MACROD2: variants seen among roughly 807,000 people sequenced by gnomAD.
The protein encoded by MACROD2 is mono-ADP ribosylhydrolase 2, also known as ADP-ribose glycohydrolase MACROD2.
A neutral mutation model predicts 70.4 loss-of-function variants in MACROD2; 36 were observed. That is an observed-to-expected ratio of 0.51 (90% CI 0.39 to 0.68). MACROD2 has a LOEUF of 0.68. MACROD2 is among the 30% of genes least tolerant of loss of function. The pLI, the probability that MACROD2 is intolerant of heterozygous loss-of-function variation, is 0.00. For synonymous variants in MACROD2, 172 were observed against 178.8 expected (o/e 0.96, Z 0.30); for missense variants, 496 against 538.4 (o/e 0.92, Z 0.78).
At chr20:14,992,270 T>A (rs527446852) in intron 5 of MACROD2, among the ~76,000 whole-genome samples, 2 of 152,318 alleles carry the variant, frequency 1.3e-5, no homozygotes, top group South Asian at 4.1e-4. Context: ...TCAGAACTGA[T>A]GTTCTTGCTC....
chr20:15,100,179 C>T (rs2123191080), intron 5 of MACROD2, among the ~76,000 whole-genome samples: 2 of 152,240 alleles, frequency 1.3e-5, no homozygotes, highest in South Asian at 4.1e-4. Context: ...TCAAGCAATC[C>T]TCCTGCCTTG....
chr20:15,742,022 T>C (rs1432855841), intron 8 of MACROD2, among the ~76,000 whole-genome samples: 3 of 152,224 alleles, frequency 2.0e-5, no homozygotes, highest in Non-Finnish European at 4.4e-5. Context: ...ATGATTGTTA[T>C]AGTAATGGTC....
intron 15 of MACROD2, among the ~76,000 whole-genome samples, chr20:16,038,003 A>G (rs182584902): frequency 1.3e-5 from 2 of 151,698 alleles, no homozygotes; most frequent in South Asian, 2.1e-4. Context: ...TCTCAGTCAT[A>G]TTCTCTGAAA....
rs201821065 is a variant in MACROD2 at position 14,918,617 on chromosome 20, G to GTTTTTTTTTTT, written c.418+233663_418+233673dup. On this transcript the variant is annotated intron_variant, in intron 5 of 17. Coordinates refer to ENST00000684519, the MANE Select transcript of MACROD2 (RefSeq NM_001351661.2). Reference sequence around the variant, plus strand: ...CTTTTTGTGACACTGTGTTTTTTTTGTTTTTTTTTTTTTTTCTGGAGTTTA... The same window carrying GTTTTTTTTTTT: ...CTTTTTGTGACACTGTGTTTTTTTTGTTTTTTTTTTTTTTTTTTTTTTTTTTCTGGAGTTTA... Among the ~76,000 whole-genome samples the GTTTTTTTTTTT allele has an allele frequency of 1.6e-5, 2 of 127,780 alleles. 1 individual carries two copies. The highest frequency in any genetic ancestry group is 5.6e-5 in the African/African-American group (2 of 35,664). 83.8% of individuals were successfully genotyped at this position (127,780 alleles called of 152,430 possible).
At chr20:14,063,707 T>G (rs746485576) in intron 2 of MACROD2, among the ~76,000 whole-genome samples, 7 of 152,198 alleles carry the variant, frequency 4.6e-5, no homozygotes, top group Non-Finnish European at 1.0e-4. Context: ...ATCTGAAAAT[T>G]TTGAAATCCG....
intron 4 of MACROD2, among the ~76,000 whole-genome samples, chr20:14,528,321 G>GTTT (rs530596762): frequency 0.013 from 1,718 of 137,006 alleles, 16 homozygotes; most frequent in Non-Finnish European, 0.02. Context: ...CAGGGTTTCT[G>GTTT]TTTTTTTTTT....
chr20:15,884,506 AG>A (rs1462100569), intron 9 of MACROD2, among the ~76,000 whole-genome samples: 2 of 152,068 alleles, frequency 1.3e-5, no homozygotes, highest in African/African-American at 2.4e-5. Context: ...CATTAGGCAG[AG>A]GGCAGTCACT....
intron 8 of MACROD2, among the ~76,000 whole-genome samples, chr20:15,719,718 T>C (rs1031071834): frequency 4.6e-5 from 7 of 152,218 alleles, no homozygotes; most frequent in African/African-American, 1.4e-4. Context: ...GATGTTTTGA[T>C]ACAGGTATGC....
intron 3 of MACROD2, among the ~76,000 whole-genome samples, chr20:14,190,698 ATTTTTTTTTTTTTTTTTTT>A (rs1161419446): frequency 1.4e-4 from 4 of 28,096 alleles, no homozygotes; most frequent in African/African-American, 4.8e-4. Context: ...ATATATATAT[ATTTTTTTTTTTTTTTTTTT>A]TTTTTTTTTT....
chr20:14,645,591 A>G (rs1397991437), intron 4 of MACROD2, among the ~76,000 whole-genome samples: 5 of 152,086 alleles, frequency 3.3e-5, no homozygotes, highest in South Asian at 2.1e-4. Context: ...CTCAATTAAC[A>G]TAATTATTTA....
At chr20:15,253,185 G>A (rs1444409696) in intron 6 of MACROD2, among the ~76,000 whole-genome samples, 1 of 152,136 alleles carries the variant, frequency 6.6e-6, no homozygotes, top group East Asian at 1.9e-4. Flanking sequence ...GAGTCCAGTG[G>A]GATGTTGGGC....
At chr20:15,687,416 T>G (rs1397720087) in intron 8 of MACROD2, among the ~76,000 whole-genome samples, 1 of 152,012 alleles carries the variant, frequency 6.6e-6, no homozygotes, top group East Asian at 1.9e-4. Flanking sequence ...AACAACATCA[T>G]CATCATAAGT....
chr20:15,393,325 A>G (rs1374515982), intron 6 of MACROD2, among the ~76,000 whole-genome samples: 2 of 152,162 alleles, frequency 1.3e-5, no homozygotes, highest in African/African-American at 2.4e-5. Context: ...CATCTCTAAA[A>G]TCTAACTCAA....
chr20:15,376,957 C>G (rs1336356479), intron 6 of MACROD2, among the ~76,000 whole-genome samples: 1 of 152,160 alleles, frequency 6.6e-6, no homozygotes, highest in African/African-American at 2.4e-5. Flanking sequence ...GTGGCGCAAT[C>G]TTGGCTCACT....
chr20:14,441,781 G>A (rs2084126615), intron 3 of MACROD2, among the ~76,000 whole-genome samples: 1 of 152,106 alleles, frequency 6.6e-6, no homozygotes, highest in Non-Finnish European at 1.5e-5. Flanking sequence ...AAAAGACTCA[G>A]CAATATTAAA....
chr20:14,080,673 T>C (rs2053980576), intron 2 of MACROD2, among the ~76,000 whole-genome samples: 2 of 133,624 alleles, frequency 1.5e-5, no homozygotes, highest in African/African-American at 4.9e-5. Context: ...GTTATTAAAT[T>C]CTAGTCCTGT....
chr20:13,997,116 A>G (rs2052672639), intron 1 of MACROD2, among the ~76,000 whole-genome samples: 1 of 152,204 alleles, frequency 6.6e-6, no homozygotes, highest in Non-Finnish European at 1.5e-5. Context: ...AGGAAGATTT[A>G]ATAATAGAAC....
intron 3 of MACROD2, among the ~76,000 whole-genome samples, chr20:14,194,259 A>G (rs2081412174): frequency 6.6e-6 from 1 of 152,214 alleles, no homozygotes; most frequent in Admixed American, 6.5e-5. Flanking sequence ...TTGTGTATCA[A>G]GGCAGAAACC....
chr20:14,230,720 A>T (rs2081802626), intron 3 of MACROD2, among the ~76,000 whole-genome samples: 1 of 128,086 alleles, frequency 7.8e-6, no homozygotes, highest in African/African-American at 3.1e-5. Context: ...CTATGTTATA[A>T]TTTGACCTCC....
Sources: allele counts gnomAD v4.1 joint callset (sites outside exome capture counted in the v4.1 genomes callset), GRCh38; gene constraint gnomAD v4.1.1; transcripts MANE v1.5; gene names NCBI Gene and HGNC (gene_info 2026-07-23, HGNC 2026-07-21).